NAA11: variants seen among roughly 807,000 people sequenced by gnomAD.
NAA11 encodes N-alpha-acetyltransferase 11, NatA catalytic subunit, also known as N-alpha-acetyltransferase 11.
In NAA11, 15 loss-of-function variants were observed where a neutral mutation model predicts 16.1. The observed-to-expected ratio is 0.93, with a 90% CI of 0.62 to 1.44. The LOEUF (loss-of-function observed/expected upper bound fraction) is 1.44. NAA11 is among the 40% of genes most tolerant of loss of function. NAA11 has a pLI of 0.00. For missense variants in NAA11, 298 were observed against 291.3 expected (o/e 1.02, Z -0.17); for synonymous variants, 122 against 112.4 (o/e 1.09, Z -0.54).
chr4:79,321,876 T>C (rs2110017650), intron 1 of NAA11, among the ~76,000 whole-genome samples: 2 of 152,332 alleles, frequency 1.3e-5, no homozygotes, highest in South Asian at 4.1e-4. Context: ...CTTTGTAATC[T>C]GGTATAATTT....
At chr4:79,239,125 C>T (rs749677427) in intron 2 of NAA11, among the ~76,000 whole-genome samples, 2 of 152,016 alleles carry the variant, frequency 1.3e-5, no homozygotes, top group Non-Finnish European at 2.9e-5. Context: ...TTCCATTGAG[C>T]GAGTTGGCAA....
chr4:79,211,838 G>A, the NAA11 span: 3 of 152,178 alleles, frequency 2.0e-5, no homozygotes, highest in East Asian at 1.9e-4. Flanking sequence ...ATTTTAATGG[G>A]TCTAGAATTG....
At chr4:79,223,883 A>C (rs1272045378), downstream of NAA11, among the ~76,000 whole-genome samples, 1 of 152,124 alleles carries the variant, frequency 6.6e-6, no homozygotes, top group East Asian at 1.9e-4. Flanking sequence ...ATGGTTCAAA[A>C]GTCTACATAT....
intron 2 of NAA11, among the ~76,000 whole-genome samples, chr4:79,231,334 C>T (rs985716302): frequency 1.3e-5 from 2 of 151,888 alleles, no homozygotes; most frequent in African/African-American, 4.8e-5. Flanking sequence ...GGAAGAGGTA[C>T]TGGATTGGCC....
chr4:79,286,632 C>T (rs1722943806), intron 2 of NAA11, among the ~76,000 whole-genome samples: 1 of 152,024 alleles, frequency 6.6e-6, no homozygotes, highest in Admixed American at 6.6e-5. Flanking sequence ...TAACTTTTTA[C>T]ATTTTTATTT....
At chr4:79,177,155 A>C in the NAA11 span, among the ~76,000 whole-genome samples, 1 of 149,078 alleles carries the variant, frequency 6.7e-6, no homozygotes, top group Non-Finnish European at 1.5e-5. Flanking sequence ...TGTGTGTATG[A>C]ATTTTTATTT....
intron 2 of NAA11, among the ~76,000 whole-genome samples, chr4:79,286,795 T>C (rs1722949136): frequency 1.3e-5 from 2 of 152,120 alleles, no homozygotes; most frequent in African/African-American, 2.4e-5. Flanking sequence ...TCTGAGACTG[T>C]TAGAATTATT....
intron 2 of NAA11, among the ~76,000 whole-genome samples, chr4:79,278,112 A>G (rs950717024): frequency 7.2e-5 from 11 of 152,004 alleles, no homozygotes; most frequent in African/African-American, 2.7e-4. Flanking sequence ...ACCCCATTCA[A>G]TTAGCCAGTC....
In NAA11 at chr4:79,325,189, T is replaced by G; in HGVS notation, c.689A>C (p.Ter230SerextTer44). 6.2e-7 allele frequency: 1 copy of G among 1,604,556 alleles called. No individual in the cohort carries two copies. The highest frequency in any genetic ancestry group is 8.5e-7 in the Non-Finnish European group (1 of 1,174,952). ...AAGACAGAATACCTTAAGCATGCTCTAGGAGGTGGAATCCGAGCTTTCTGA... is the reference window on the plus strand; with the variant it reads ...AAGACAGAATACCTTAAGCATGCTCGAGGAGGTGGAATCCGAGCTTTCTGA... ...DSSESSDSTS[*>S] The change falls in exon 1 of 2, where the codon TAG (stop) becomes TCG (serine). Residue 230 changes from the stop codon to serine, a stop_lost. Transcript: ENST00000286794.
At chr4:79,284,184 C>A (rs1261139086) in intron 2 of NAA11, among the ~76,000 whole-genome samples, 3 of 152,096 alleles carry the variant, frequency 2.0e-5, no homozygotes, top group Non-Finnish European at 2.9e-5. Context: ...TTATCCAACT[C>A]TGTAAATTAC....
At chr4:79,294,191 C>G (rs1266849160) in intron 1 of NAA11, 1 of 152,146 alleles carries the variant, frequency 6.6e-6, no homozygotes, top group African/African-American at 2.4e-5. Flanking sequence ...CAATGCTGAG[C>G]CCATTTCTAA....
intron 2 of NAA11, among the ~76,000 whole-genome samples, chr4:79,282,754 A>AGGT (rs1326884766): frequency 2.0e-5 from 3 of 152,138 alleles, no homozygotes; most frequent in African/African-American, 7.2e-5. Flanking sequence ...AGCCTATTTC[A>AGGT]GGTGAGGTTC....
intron 2 of NAA11, among the ~76,000 whole-genome samples, chr4:79,232,278 A>T (rs1172194264): frequency 6.6e-6 from 1 of 151,896 alleles, no homozygotes; most frequent in East Asian, 1.9e-4. Context: ...AGTTTTTTTT[A>T]AATCATCAAA....
At chr4:79,265,079 G>A (rs1266454602) in intron 2 of NAA11, among the ~76,000 whole-genome samples, 3 of 151,940 alleles carry the variant, frequency 2.0e-5, no homozygotes, top group Non-Finnish European at 4.4e-5. Context: ...TCAATAAATG[G>A]CAATCCCATC....
At chr4:79,303,432 T>C (rs1340543712) in intron 1 of NAA11, among the ~76,000 whole-genome samples, 2 of 151,818 alleles carry the variant, frequency 1.3e-5, no homozygotes, top group Non-Finnish European at 2.9e-5. Context: ...GGACGACAGG[T>C]GCGCATCATT....
At chr4:79,289,675 GATTAT>G (rs1226414474) in intron 2 of NAA11, among the ~76,000 whole-genome samples, 8 of 152,272 alleles carry the variant, frequency 5.3e-5, no homozygotes, top group Admixed American at 2.6e-4. Flanking sequence ...TGATTCAAAA[GATTAT>G]ATTTCAGCTA....
chr4:79,205,309 A>G, the NAA11 span, among the ~76,000 whole-genome samples: 20 of 151,824 alleles, frequency 1.3e-4, no homozygotes, highest in African/African-American at 4.8e-4. Context: ...CTCTGTTTTC[A>G]CTGCAGTTGT....
downstream of NAA11, among the ~76,000 whole-genome samples, chr4:79,224,535 T>G (rs79696669): frequency 3.9e-3 from 598 of 152,018 alleles, 3 homozygotes; most frequent in African/African-American, 0.014. Flanking sequence ...AGACAAACAA[T>G]ATAAACCTGA....
intron 2 of NAA11, among the ~76,000 whole-genome samples, chr4:79,236,780 A>G (rs752538315): frequency 2.6e-5 from 4 of 152,336 alleles, no homozygotes; most frequent in Admixed American, 1.3e-4. Flanking sequence ...TTGCACAAAC[A>G]GAGCCATCTC....
Sources: gnomAD v4.1 joint callset for allele counts (sites outside exome capture counted in the v4.1 genomes callset) on GRCh38, gnomAD v4.1.1 for gene constraint, MANE v1.5 for transcripts, NCBI Gene and HGNC (gene_info 2026-07-23, HGNC 2026-07-21) for gene names.